Variants in SPAG16 observed in about 807,000 individuals in gnomAD.
SPAG16 encodes the protein sperm associated antigen 16.
Under a neutral mutation model 80.4 loss-of-function variants are expected in SPAG16, and 86 were observed. The ratio of observed to expected loss-of-function variants is 1.07; its 90% confidence interval spans 0.90 to 1.28. SPAG16 has a LOEUF of 1.28. Ranked by LOEUF, SPAG16 falls within the 50% of genes most tolerant of loss-of-function variation. SPAG16 has a pLI of 0.00. For missense variants in SPAG16, 870 were observed against 765.3 expected (o/e 1.14, Z -1.61); for synonymous variants, 294 against 265.9 (o/e 1.11, Z -1.03).
intron 15 of SPAG16, among the ~76,000 whole-genome samples, chr2:214,159,563 A>G (rs1030716911): frequency 9.9e-5 from 15 of 152,010 alleles, no homozygotes; most frequent in African/African-American, 3.6e-4. Flanking sequence ...TAGAGCCTGC[A>G]CAGTTGGCAC....
intron 10 of SPAG16, among the ~76,000 whole-genome samples, chr2:213,691,495 A>C (rs1409110569): frequency 6.6e-6 from 1 of 152,180 alleles, no homozygotes; most frequent in African/African-American, 2.4e-5. Context: ...CCTCTAGCCC[A>C]GACTAAAGCC....
chr2:213,454,767 C>T (rs2071898796), intron 9 of SPAG16, among the ~76,000 whole-genome samples: 1 of 152,156 alleles, frequency 6.6e-6, no homozygotes, highest in African/African-American at 2.4e-5. Context: ...AAGGGCTGAG[C>T]TCTTCTTTTA....
intron 5 of SPAG16, among the ~76,000 whole-genome samples, chr2:213,326,754 T>C (rs1403491221): frequency 6.6e-6 from 1 of 152,044 alleles, no homozygotes; most frequent in African/African-American, 2.4e-5. Flanking sequence ...AAAATGTTTA[T>C]ATGCTTTACT....
intron 15 of SPAG16, among the ~76,000 whole-genome samples, chr2:214,356,575 C>T (rs1167442834): frequency 1.9e-5 from 2 of 107,230 alleles, no homozygotes; most frequent in Non-Finnish European, 5.2e-5. Flanking sequence ...AAGCCCCACC[C>T]CAACCATATT....
intron 9 of SPAG16, among the ~76,000 whole-genome samples, chr2:213,477,127 G>T (rs2073446352): frequency 6.6e-6 from 1 of 152,066 alleles, no homozygotes; most frequent in African/African-American, 2.4e-5. Flanking sequence ...GAAATCAACT[G>T]AGAGAGAGTA....
At chr2:213,408,406 A>T (rs1022023213) in intron 9 of SPAG16, among the ~76,000 whole-genome samples, 1 of 152,162 alleles carries the variant, frequency 6.6e-6, no homozygotes, top group African/African-American at 2.4e-5. Flanking sequence ...TTTAGAGGAA[A>T]CCTCATTCTG....
chr2:214,107,713 A>G (rs2053453710), intron 13 of SPAG16, among the ~76,000 whole-genome samples: 1 of 152,178 alleles, frequency 6.6e-6, no homozygotes, highest in African/African-American at 2.4e-5. Flanking sequence ...TATTTTATAA[A>G]TTTTTATACA....
At chr2:214,226,331 G>C (rs1181617348) in intron 15 of SPAG16, among the ~76,000 whole-genome samples, 2 of 152,078 alleles carry the variant, frequency 1.3e-5, no homozygotes, top group Non-Finnish European at 2.9e-5. Context: ...ACCTCTGCTT[G>C]TGTTAAGTCT....
chr2:214,112,098 A>T (rs905416526), intron 14 of SPAG16, among the ~76,000 whole-genome samples: 1 of 152,126 alleles, frequency 6.6e-6, no homozygotes, highest in Non-Finnish European at 1.5e-5. Flanking sequence ...CAGGTTGTTC[A>T]GTTTCCATGT....
chr2:213,966,488 C>T (rs1020646791), intron 12 of SPAG16, among the ~76,000 whole-genome samples: 1 of 152,006 alleles, frequency 6.6e-6, no homozygotes, highest in Non-Finnish European at 1.5e-5. Flanking sequence ...TGTATAATCC[C>T]TTTAAAAATA....
intron 15 of SPAG16, among the ~76,000 whole-genome samples, chr2:214,280,163 G>C (rs577895193): frequency 6.6e-6 from 1 of 152,078 alleles, no homozygotes; most frequent in Non-Finnish European, 1.5e-5. Flanking sequence ...TGCAATGTTG[G>C]TTTAATATTT....
intron 14 of SPAG16, among the ~76,000 whole-genome samples, chr2:214,116,895 A>C (rs2053960688): frequency 6.6e-6 from 1 of 152,188 alleles, no homozygotes; most frequent in Non-Finnish European, 1.5e-5. Context: ...TAGGCACAGT[A>C]AAGCCAGACT....
chr2:214,041,724 T>A (rs2049017392), intron 13 of SPAG16, among the ~76,000 whole-genome samples: 2 of 151,574 alleles, frequency 1.3e-5, no homozygotes, highest in African/African-American at 2.4e-5. Context: ...GAAGACTGAT[T>A]CCTTGCATAC....
intron 9 of SPAG16, among the ~76,000 whole-genome samples, chr2:213,387,104 A>G (rs547059592): frequency 5.3e-5 from 8 of 152,276 alleles, no homozygotes; most frequent in Non-Finnish European, 1.0e-4. Flanking sequence ...ATATTTATAC[A>G]TAGAATTTCC....
chr2:214,375,719 A>C (rs939741840), intron 15 of SPAG16, among the ~76,000 whole-genome samples: 12 of 152,256 alleles, frequency 7.9e-5, no homozygotes, highest in Middle Eastern at 6.8e-3. Context: ...AGGTATATAG[A>C]TTTCTAGCCA....
intron 9 of SPAG16, among the ~76,000 whole-genome samples, chr2:213,471,735 G>A (rs2073091024): frequency 6.6e-6 from 1 of 152,152 alleles, no homozygotes. Context: ...CTGTTCTGGA[G>A]CCCACTCAAA....
intron 9 of SPAG16, among the ~76,000 whole-genome samples, chr2:213,419,346 A>C (rs1308252946): frequency 6.6e-6 from 1 of 152,054 alleles, no homozygotes; most frequent in Admixed American, 6.5e-5. Context: ...CTTTACATTA[A>C]ATATTTTAGC....
At chr2:213,457,231 A>G (rs1018302885) in intron 9 of SPAG16, among the ~76,000 whole-genome samples, 2 of 152,088 alleles carry the variant, frequency 1.3e-5, no homozygotes, top group African/African-American at 4.8e-5. Context: ...GTTGATGGTT[A>G]TGCTTTGCTA....
At chr2:213,588,609 T>C (rs1323892859) in intron 10 of SPAG16, among the ~76,000 whole-genome samples, 1 of 150,768 alleles carries the variant, frequency 6.6e-6, no homozygotes, top group Non-Finnish European at 1.5e-5. Flanking sequence ...GAGACCATCC[T>C]GGCTAACAAG....
Sources: gnomAD v4.1 joint callset for allele counts (sites outside exome capture counted in the v4.1 genomes callset) on GRCh38, gnomAD v4.1.1 for gene constraint, MANE v1.5 for transcripts, NCBI Gene and HGNC (gene_info 2026-07-23, HGNC 2026-07-21) for gene names.